The following MAOA variants were observed in gnomAD, a reference collection of about 807,000 sequenced individuals.
The protein encoded by MAOA is amine oxidase [flavin-containing] A.
Under a neutral mutation model 42.0 loss-of-function variants are expected in MAOA, and 6 were observed. The observed-to-expected ratio is 0.14, with a 90% confidence interval of 0.08 to 0.28. The LOEUF is 0.28. Among genes scored for constraint, MAOA ranks in the 10% least tolerant of loss-of-function variants. The pLI is 1.00. For missense variants in MAOA, 262 were observed against 422.3 expected (o/e 0.62, Z 3.33); for synonymous variants, 140 against 154.0 (o/e 0.91, Z 0.67).
intron 1 of MAOA, among the ~76,000 whole-genome samples, chrX:43,664,157 A>G (rs2033258020): frequency 8.9e-6 from 1 of 111,977 alleles, no homozygotes; most frequent in Non-Finnish European, 1.9e-5. Flanking sequence ...TAAATAGACC[A>G]TGATGAAGAG....
intron 8 of MAOA, 82 bp from the exon 9 acceptor site, chrX:43,732,617 A>G (rs1015888349): frequency 3.0e-6 from 2 of 672,172 alleles, no homozygotes; most frequent in African/African-American, 4.3e-5. Context: ...CTCTTAAAAA[A>G]TAGTTTATAT....
intron 7 of MAOA, 71 bp downstream of exon 7, chrX:43,731,461 TAATTCAA>T: frequency 9.3e-7 from 1 of 1,073,369 alleles, no homozygotes; most frequent in Non-Finnish European, 1.3e-6. Flanking sequence ...TAACCAGATA[TAATTCAA>T]GCAGTAGCAT....
rs189480272 is a variant in MAOA at position 43,684,577 on chromosome X, C to G, written c.168+970C>G. Among the ~76,000 whole-genome samples the G allele has an allele frequency of 3.5e-5, 3 of 86,134 alleles. No individual in the cohort carries two copies. The East Asian group carries it at 1.0e-3, about 30-fold the overall frequency. The allele number at this position is 86,134 out of a possible 115,157, so 74.8% of individuals were successfully genotyped here. A position where few individuals can be genotyped will look rare whatever the true frequency, so the allele number is the denominator to read the frequency against. Reference sequence around the variant, plus strand: ...AAACAAAACAAAACAAAACAAAAACCCTCGCATTTGACAGAAGTTCATTAA... The same window carrying G: ...AAACAAAACAAAACAAAACAAAAACGCTCGCATTTGACAGAAGTTCATTAA... On this transcript the variant is annotated intron_variant, in intron 2 of 14. Transcript: ENST00000338702.
intron 1 of MAOA, among the ~76,000 whole-genome samples, chrX:43,662,665 G>A (rs2033244914): frequency 9.0e-6 from 1 of 111,439 alleles, no homozygotes; most frequent in South Asian, 3.7e-4. Flanking sequence ...TTGCATTCAA[G>A]TGTACTCAGA....
chrX:43,675,490 G>A (rs1338139447), intron 1 of MAOA, among the ~76,000 whole-genome samples: 10 of 112,626 alleles, frequency 8.9e-5, no homozygotes, highest in Admixed American at 8.4e-4. Flanking sequence ...GTGAGGAACT[G>A]CGTTCCTTTG....
intron 2 of MAOA, among the ~76,000 whole-genome samples, chrX:43,687,742 G>A (rs2033498356): frequency 8.9e-6 from 1 of 112,402 alleles, no homozygotes; most frequent in Admixed American, 9.4e-5. Context: ...CTTCCTTAAG[G>A]CCGCTGTTCC....
upstream of MAOA, chrX:43,656,245 GC>G: frequency 1.3e-6 from 1 of 772,662 alleles, no homozygotes; most frequent in Non-Finnish European, 2.0e-6. Flanking sequence ...GATCGGCTCC[GC>G]CCCCGGGCTC....
chrX:43,689,394 T>C (rs1473067983), intron 2 of MAOA, among the ~76,000 whole-genome samples: 1 of 112,263 alleles, frequency 8.9e-6, no homozygotes, highest in African/African-American at 3.2e-5. Flanking sequence ...CTTTCCTTCT[T>C]TTGGGTTAAT....
chrX:43,699,173 T>C (rs2033602815), intron 3 of MAOA, among the ~76,000 whole-genome samples: 1 of 111,384 alleles, frequency 9.0e-6, no homozygotes, highest in African/African-American at 3.3e-5. Context: ...CTTTATCAGT[T>C]CTTCTCTTCT....
At chrX:43,718,356 G>T (rs2033761420) in intron 5 of MAOA, among the ~76,000 whole-genome samples, 1 of 98,743 alleles carries the variant, frequency 1.0e-5, no homozygotes, top group South Asian at 5.7e-4. Flanking sequence ...AGACACCTGG[G>T]TAGTAGTGGG....
intron 2 of MAOA, among the ~76,000 whole-genome samples, chrX:43,688,233 A>G (rs1486106681): frequency 1.8e-5 from 2 of 112,354 alleles, no homozygotes; most frequent in African/African-American, 6.5e-5. Flanking sequence ...TTTCTTGAAT[A>G]TACCAGCAGA....
intron 1 of MAOA, among the ~76,000 whole-genome samples, chrX:43,675,260 C>T (rs934144789): frequency 7.1e-5 from 8 of 112,110 alleles, no homozygotes; most frequent in East Asian, 5.6e-4. Context: ...GCATTCTTCA[C>T]GTAGTTCTCG....
Position 43,744,421 on chromosome X carries a change from G to C in MAOA, c.1492G>C (p.Val498Leu). 8.3e-7 allele frequency: 1 copy of C among 1,210,005 alleles called. No individual in the cohort carries two copies. The highest frequency in any genetic ancestry group is 3.0e-5 in the East Asian group (1 of 33,813). The change falls in exon 15 of 15, where the codon GTT becomes CTT. Residue 498 changes from valine (V) to leucine (L), a missense_variant. By Grantham distance (32) the Val-to-Leu change is conservative. Around this residue, in one of 3 missense-constraint regions of MAOA, gnomAD observed 35 missense variants for 36.4 expected, o/e 0.96. Transcript: ENST00000338702. Reference protein sequence around the residue: ...HTFWERNLPSVSGLLKIIGFS... With the variant: ...HTFWERNLPSLSGLLKIIGFS... ...CTTCTGGGAAAGGAACCTGCCCTCT[G>C]TTTCTGGCCTGCTGAAGATCATTGG...
intron 11 of MAOA, among the ~76,000 whole-genome samples, chrX:43,741,158 G>C (rs1282490146): frequency 2.7e-5 from 3 of 111,597 alleles, no homozygotes; most frequent in Admixed American, 9.6e-5. Context: ...ACTGAATCTA[G>C]AGTCTCTTCC....
At chrX:43,677,851 G>C (rs749740261) in intron 1 of MAOA, among the ~76,000 whole-genome samples, 1 of 111,165 alleles carries the variant, frequency 9.0e-6, no homozygotes, top group South Asian at 3.8e-4. Flanking sequence ...AGCTCTGTTT[G>C]CCATGGTTTA....
At chrX:43,737,331 C>T (rs989674595) in intron 10 of MAOA, among the ~76,000 whole-genome samples, 1 of 111,489 alleles carries the variant, frequency 9.0e-6, no homozygotes, top group Non-Finnish European at 1.9e-5. Flanking sequence ...ATGATTTGTT[C>T]AAGCCTCCAT....
At chrX:43,722,692 T>G (rs1426270494) in intron 5 of MAOA, among the ~76,000 whole-genome samples, 1 of 112,193 alleles carries the variant, frequency 8.9e-6, no homozygotes, top group Admixed American at 9.5e-5. Flanking sequence ...TTAGTTTAAT[T>G]AGATCCCATT....
intron 1 of MAOA, among the ~76,000 whole-genome samples, chrX:43,682,853 T>A (rs1377557354): frequency 8.9e-6 from 1 of 112,098 alleles, no homozygotes. Context: ...AATACTTCCT[T>A]AATTTTTCTG....
chrX:43,740,622 A>G, intron 10 of MAOA, 59 bp from the exon 11 acceptor site: 1 of 989,719 alleles, frequency 1.0e-6, no homozygotes, highest in South Asian at 2.1e-5. Context: ...TTTATTCTAT[A>G]CCCATCAGTT....
Sources: allele counts gnomAD v4.1 joint callset (sites outside exome capture counted in the v4.1 genomes callset), GRCh38; gene constraint gnomAD v4.1.1; regional missense constraint gnomAD v4.1.1; transcripts MANE v1.5; gene names NCBI Gene and HGNC (gene_info 2026-07-23, HGNC 2026-07-21).